NFYC: variants seen among roughly 807,000 people sequenced by gnomAD.
The protein encoded by NFYC is CAAT box DNA-binding protein subunit C.
Under a neutral mutation model 53.1 loss-of-function variants are expected in NFYC, and 25 were observed. The observed-to-expected ratio is 0.47, with a 90% confidence interval of 0.34 to 0.66. The LOEUF (loss-of-function observed/expected upper bound fraction) is 0.66. NFYC is among the 30% of genes least tolerant of loss of function. NFYC has a pLI of 0.01. For synonymous variants in NFYC, 145 were observed against 152.6 expected, an observed-to-expected ratio of 0.95 and a Z score of 0.37; for missense variants, 260 against 422.7, an observed-to-expected ratio of 0.62 and a Z score of 3.38.
intron 1 of NFYC, among the ~76,000 whole-genome samples, chr1:40,700,674 A>G (rs558852951): frequency 1.3e-5 from 2 of 152,124 alleles, no homozygotes; most frequent in South Asian, 4.1e-4. Context: ...ATGGAGTCTC[A>G]CTCTATGAGG....
chr1:40,741,930 G>A (rs112952759), intron 2 of NFYC, among the ~76,000 whole-genome samples: 4,138 of 152,200 alleles, frequency 0.027, 75 homozygotes, highest in Middle Eastern at 0.048. Context: ...TAAAGAGACA[G>A]GGTCTCACTC....
chr1:40,740,180 C>T (rs1412169557), intron 2 of NFYC, among the ~76,000 whole-genome samples: 1 of 152,198 alleles, frequency 6.6e-6, no homozygotes, highest in African/African-American at 2.4e-5. Context: ...CCTGGCAGAG[C>T]AGACACTGGA....
At chr1:40,705,390 G>A (rs182450717) in intron 1 of NFYC, among the ~76,000 whole-genome samples, 71 of 147,928 alleles carry the variant, frequency 4.8e-4, no homozygotes, top group Middle Eastern at 3.5e-3. Context: ...AAGGCCTGTT[G>A]GCCTTCTGCC....
chr1:40,767,082 C>A, intron 8 of NFYC: 1 of 1,075,554 alleles, frequency 9.3e-7, no homozygotes, highest in South Asian at 1.4e-5. Context: ...CTCCTGTGCT[C>A]TTTGGAAAGC....
chr1:40,751,673 T>C (rs1275790657), intron 4 of NFYC, among the ~76,000 whole-genome samples: 5 of 152,182 alleles, frequency 3.3e-5, no homozygotes, highest in Admixed American at 2.6e-4. Context: ...TCAGGGAATT[T>C]AAAAAGCAAA....
At chr1:40,716,834 CTG>C (rs1019588544) in intron 1 of NFYC, among the ~76,000 whole-genome samples, 9 of 152,012 alleles carry the variant, frequency 5.9e-5, no homozygotes, top group African/African-American at 1.9e-4. Context: ...CTGTTGGACA[CTG>C]TTACTATAGA....
chr1:40,701,179 C>T (rs1482468510), intron 1 of NFYC, among the ~76,000 whole-genome samples: 1 of 152,194 alleles, frequency 6.6e-6, no homozygotes, highest in Non-Finnish European at 1.5e-5. Context: ...TCACTGCAAC[C>T]TCTGCCTCCT....
At chr1:40,738,740 T>C (rs1253826383) in intron 1 of NFYC, 96 bp from the exon 2 acceptor site, 3 of 823,734 alleles carry the variant, frequency 3.6e-6, no homozygotes, top group Non-Finnish European at 5.9e-6. Context: ...ATTGAATAGA[T>C]TCATAAAAAC....
intron 1 of NFYC, among the ~76,000 whole-genome samples, chr1:40,696,940 A>G (rs568774459): frequency 1.3e-5 from 2 of 152,324 alleles, no homozygotes; most frequent in South Asian, 4.1e-4. Context: ...CACTCAATAT[A>G]ATGTAAGTAG....
At chr1:40,704,488 C>G (rs1315942979) in intron 1 of NFYC, among the ~76,000 whole-genome samples, 2 of 152,130 alleles carry the variant, frequency 1.3e-5, no homozygotes, top group East Asian at 3.8e-4. Context: ...GGTTCTCAGT[C>G]CACAGTAATG....
intron 5 of NFYC, among the ~76,000 whole-genome samples, chr1:40,756,273 T>C (rs184576939): frequency 6.6e-6 from 1 of 152,338 alleles, no homozygotes; most frequent in East Asian, 1.9e-4. Flanking sequence ...TTATTTATAA[T>C]GATGATAAGT....
intron 1 of NFYC, among the ~76,000 whole-genome samples, chr1:40,712,071 A>T (rs988943668): frequency 1.3e-5 from 2 of 152,256 alleles, no homozygotes; most frequent in African/African-American, 4.8e-5. Context: ...GTGAAGAGCT[A>T]CATAATATTA....
rs1485434148 is a variant in NFYC, at chr1:40,770,706, C to T, written c.889-3C>T. ...CTCACTCTCTCCTCTCCACCCCTCG[C>T]AGCAGCTCTACCAGATCCAGCAAGT... On this transcript the variant is annotated splice_region_variant and splice_polypyrimidine_tract_variant and intron_variant, in intron 9 of 9. Coordinates refer to ENST00000447388, the MANE Select transcript of NFYC (RefSeq NM_014223.5). This position sits in a 1 kb window ranked among gnomAD's most constrained non-coding sequence, Gnocchi z 5.3. The T allele has an allele frequency of 4.3e-6, 7 of 1,614,070 alleles. No homozygotes were observed. Among genetic ancestry groups the T allele is most frequent in the Non-Finnish European group, 5.9e-6 (7 of 1,180,046 alleles).
chr1:40,768,593 T>C (rs971700169), intron 8 of NFYC: 3 of 152,280 alleles, frequency 2.0e-5, no homozygotes, highest in Admixed American at 6.5e-5. Context: ...CACATGTGCA[T>C]GCACACCGCA....
chr1:40,701,620 G>A (rs1643440252), intron 1 of NFYC, among the ~76,000 whole-genome samples: 1 of 152,148 alleles, frequency 6.6e-6, no homozygotes, highest in African/African-American at 2.4e-5. Flanking sequence ...TCCTCCCATA[G>A]CATTTTGCAT....
At chr1:40,761,522 G>T (rs1557915521) in intron 6 of NFYC, among the ~76,000 whole-genome samples, 1 of 152,188 alleles carries the variant, frequency 6.6e-6, no homozygotes, top group South Asian at 2.1e-4. Context: ...TGGAGGTTGG[G>T]AATAGGCTGA....
chr1:40,760,746 A>C (rs1646501101), intron 6 of NFYC, among the ~76,000 whole-genome samples: 1 of 151,964 alleles, frequency 6.6e-6, no homozygotes, highest in Non-Finnish European at 1.5e-5. Context: ...TTATGATTTT[A>C]GGATTTATTC....
At chr1:40,769,716 C>T (rs929272125) in intron 9 of NFYC, among the ~76,000 whole-genome samples, 5 of 152,104 alleles carry the variant, frequency 3.3e-5, no homozygotes, top group African/African-American at 1.2e-4. Context: ...ATTGCAGAGC[C>T]AGGACTAGAG....
chr1:40,699,174 A>C (rs1342100132), intron 1 of NFYC, among the ~76,000 whole-genome samples: 1 of 133,382 alleles, frequency 7.5e-6, no homozygotes, highest in Non-Finnish European at 1.6e-5. Context: ...CCAAAAAAAA[A>C]CAAAACAAAA....
Sources: allele counts gnomAD v4.1 joint callset (sites outside exome capture counted in the v4.1 genomes callset), GRCh38; gene constraint gnomAD v4.1.1; non-coding constraint Gnocchi (gnomAD v3.1); transcripts MANE v1.5; gene names NCBI Gene and HGNC (gene_info 2026-07-23, HGNC 2026-07-21).